Variants in CBX3 observed in about 807,000 individuals in gnomAD.
CBX3 encodes the protein chromobox 3, also known as chromobox protein homolog 3.
CBX3 carries 5 observed loss-of-function variants against 22.6 expected under a neutral mutation model. That is an observed-to-expected ratio of 0.22 (90% CI 0.12 to 0.47). The LOEUF (loss-of-function observed/expected upper bound fraction) is 0.47, where lower values mean the gene tolerates loss of function less well. CBX3 is among the 20% of genes least tolerant of loss of function. The probability of loss-of-function intolerance (pLI) is 0.99; values close to 1 mark genes in which losing one functional copy is unlikely to be tolerated. For synonymous variants in CBX3, 50 were observed against 66.6 expected (o/e 0.75, Z 1.21); for missense variants, 83 against 208.1 (o/e 0.40, Z 3.70).
At chr7:26,205,022 CAGA>C (rs1784642810) in intron 2 of CBX3, among the ~76,000 whole-genome samples, 5 of 152,182 alleles carry the variant, frequency 3.3e-5, no homozygotes, top group Admixed American at 2.0e-4. Context: ...CTCCTGACCT[CAGA>C]TGATCTGCCC....
Position 26,206,540 on chromosome 7 carries a change from T to C in CBX3, c.167+30T>C, listed in dbSNP as rs769903763. On this transcript the variant is annotated intron_variant, in intron 3 of 5. Coordinates refer to ENST00000396386, the MANE Select transcript of CBX3 (RefSeq NM_016587.4). ...GAAACTTTAGTGCATCTTTACTATA[T>C]GTTTAACTGCAGCTAAGTGGTTTTA... 3 of 1,603,126 alleles carry C rather than the reference T, an allele frequency of 1.9e-6. No individual in the cohort carries two copies. The East Asian group carries it at 6.7e-5, about 36-fold the overall frequency.
intron 1 of CBX3, chr7:26,202,045 G>C (rs892759183): frequency 6.6e-6 from 1 of 151,958 alleles, no homozygotes; most frequent in Non-Finnish European, 1.5e-5. Context: ...CTGCCCTCGA[G>C]GGGGTAGGGA....
chr7:26,204,889 A>G (rs1486785984), intron 2 of CBX3, among the ~76,000 whole-genome samples: 1 of 152,160 alleles, frequency 6.6e-6, no homozygotes, highest in Non-Finnish European at 1.5e-5. Flanking sequence ...TCCTGGGTTC[A>G]AGCAGTTCTC....
At position 26,213,430 on chromosome 7, in the gene CBX3, TTGTTTA is replaced by T. The variant is rs1309361027; in HGVS notation, c.*1224_*1229del. Reference sequence around the variant, plus strand: ...AATGCCCACACTCATTGGATTATCTTTGTTTATAAGTTAGATGATACCAGTAAGGCA... The same window carrying T: ...AATGCCCACACTCATTGGATTATCTTTAAGTTAGATGATACCAGTAAGGCA... On this transcript the variant is annotated 3_prime_UTR_variant, in exon 6 of 6. Coordinates refer to ENST00000396386, the MANE Select transcript of CBX3 (RefSeq NM_016587.4). 1 of 152,370 alleles carries T rather than the reference TTGTTTA, an allele frequency of 6.6e-6. No individual in the cohort carries two copies. The highest frequency in any genetic ancestry group is 1.5e-5 in the Non-Finnish European group (1 of 68,026). The allele number at this position is 152,370 out of a possible 1,614,324, so 9.4% of individuals were successfully genotyped here.
chr7:26,210,143 A>G (rs1455783069), intron 4 of CBX3: 1 of 152,056 alleles, frequency 6.6e-6, no homozygotes, highest in Non-Finnish European at 1.5e-5. Context: ...AAAAAAAAGA[A>G]TCAGCAAGAC....
rs1584042180 is a variant in CBX3 at position 26,211,834 on chromosome 7, T to C, written c.425+78T>C. The C allele has an allele frequency of 1.5e-5, 17 of 1,116,360 alleles. No individual in the cohort carries two copies. In the East Asian group the frequency reaches 4.3e-4, roughly 28 times the overall value. 69.2% of individuals were successfully genotyped at this position (1,116,360 alleles called of 1,614,324 possible). A position where few individuals can be genotyped will look rare whatever the true frequency, so the allele number is the denominator to read the frequency against. On this transcript the variant is annotated intron_variant, in intron 5 of 5. Transcript: ENST00000396386. ...AATTTGTGAAATGGTTTTTCATCAT[T>C]AGGTAGGGAAAAACTATCTGCTGAG...
intron 1 of CBX3, chr7:26,202,201 C>T (rs1345265670): frequency 6.6e-6 from 1 of 151,878 alleles, no homozygotes; most frequent in Non-Finnish European, 1.5e-5. Context: ...GCGCGTGGTC[C>T]CGCGTCCGCG....
rs948205494 is a variant in CBX3 at position 26,212,885 on chromosome 7, C to A, written c.*677C>A. On this transcript the variant is annotated 3_prime_UTR_variant, in exon 6 of 6. Coordinates refer to ENST00000396386, the MANE Select transcript of CBX3 (RefSeq NM_016587.4). ...CTAAAAGGAAAAATTTTATCACTGC[C>A]ATCACAGCAGGTTTCCTCATCCAGA... The A allele has an allele frequency of 6.6e-6, 1 of 152,266 alleles. No individual in the cohort carries two copies. The highest frequency in any genetic ancestry group is 1.5e-5 in the Non-Finnish European group (1 of 68,054). The allele number at this position is 152,266 out of a possible 1,614,324, so 9.4% of individuals were successfully genotyped here.
At chr7:26,212,039 A>G in intron 5 of CBX3, 43 bp from the exon 6 acceptor site, 7 of 1,468,098 alleles carry the variant, frequency 4.8e-6, no homozygotes, top group Admixed American at 5.0e-5. Flanking sequence ...GTTGACATGA[A>G]CAACTTCGAC....
At chr7:26,205,568 C>T (rs776101834) in intron 2 of CBX3, among the ~76,000 whole-genome samples, 8 of 152,028 alleles carry the variant, frequency 5.3e-5, no homozygotes, top group Non-Finnish European at 1.2e-4. Flanking sequence ...TGTTTTCATT[C>T]TGCATTTATC....
At chr7:26,203,141 G>T (rs1784590526) in intron 2 of CBX3, 119 bp downstream of exon 2, 1 of 733,768 alleles carries the variant, frequency 1.4e-6, no homozygotes, top group Admixed American at 2.6e-5. Context: ...AGCTCTCCCA[G>T]TGTAAATTAC....
chr7:26,204,524 C>T (rs1784631405), intron 2 of CBX3, among the ~76,000 whole-genome samples: 2 of 152,130 alleles, frequency 1.3e-5, no homozygotes, highest in Admixed American at 1.3e-4. Context: ...CAGGTGTTTG[C>T]TGCATGTTTT....
Position 26,207,611 on chromosome 7 carries a change from C to T in CBX3, c.168-782C>T, listed in dbSNP as rs535748605. On this transcript the variant is annotated intron_variant, in intron 3 of 5. Coordinates refer to ENST00000396386, the MANE Select transcript of CBX3 (RefSeq NM_016587.4). ...TCAGCTCACTGCAACCTCTGCCTTCCGAGTTGAGGCGATTTTCCTGCCTCA... is the reference window on the plus strand; with the variant it reads ...TCAGCTCACTGCAACCTCTGCCTTCTGAGTTGAGGCGATTTTCCTGCCTCA... 1.9e-4 allele frequency among the ~76,000 whole-genome samples: 29 copies of T among 152,094 alleles called. No individual in the cohort carries two copies. In the South Asian group the frequency reaches 2.5e-3, roughly 13 times the overall value.
At chr7:26,210,789 C>A (rs1784787506) in intron 4 of CBX3, among the ~76,000 whole-genome samples, 1 of 152,056 alleles carries the variant, frequency 6.6e-6, no homozygotes, top group Non-Finnish European at 1.5e-5. Flanking sequence ...TGTCTTAAGG[C>A]AATTTTACTT....
At position 26,212,783 on chromosome 7, in the gene CBX3, A is replaced by G. The variant is rs1784838500; in HGVS notation, c.*575A>G. 6.6e-6 allele frequency: 1 copy of G among 152,292 alleles called. No individual in the cohort carries two copies. Among genetic ancestry groups the G allele is most frequent in the African/African-American group, 2.4e-5 (1 of 41,480 alleles). The allele number at this position is 152,292 out of a possible 1,614,324, so 9.4% of individuals were successfully genotyped here. ...TGAAACCATACATTTCAAGTGAAAT[A>G]AGTAATTCTAGATAGGACAATTTAA... On this transcript the variant is annotated 3_prime_UTR_variant, in exon 6 of 6. Coordinates refer to ENST00000396386, the MANE Select transcript of CBX3 (RefSeq NM_016587.4).
intron 2 of CBX3, among the ~76,000 whole-genome samples, chr7:26,205,174 T>TC (rs1399659185): frequency 1.3e-5 from 2 of 152,098 alleles, no homozygotes; most frequent in Non-Finnish European, 2.9e-5. Context: ...GGGTTTTTTT[T>TC]CCCCCATTTT....
chr7:26,203,364 T>G (rs1485283058), intron 2 of CBX3, among the ~76,000 whole-genome samples: 1 of 152,224 alleles, frequency 6.6e-6, no homozygotes, highest in Admixed American at 6.5e-5. Context: ...GGCATAATTT[T>G]TCTTAAATCC....
intron 3 of CBX3, among the ~76,000 whole-genome samples, chr7:26,207,208 G>A (rs547048478): frequency 3.5e-4 from 54 of 152,272 alleles, no homozygotes; most frequent in East Asian, 7.7e-4. Flanking sequence ...TATGATAGTC[G>A]AATGATTGGG....
intron 2 of CBX3, among the ~76,000 whole-genome samples, chr7:26,204,747 G>C (rs973021052): frequency 6.6e-6 from 1 of 152,020 alleles, no homozygotes; most frequent in Admixed American, 6.6e-5. Flanking sequence ...TTTAATGATT[G>C]AGCAATTAAG....
Sources: allele counts gnomAD v4.1 joint callset (sites outside exome capture counted in the v4.1 genomes callset), GRCh38; gene constraint gnomAD v4.1.1; transcripts MANE v1.5; gene names NCBI Gene and HGNC (gene_info 2026-07-23, HGNC 2026-07-21).